Variants in UBA6 observed in about 807,000 individuals in gnomAD.
UBA6 encodes ubiquitin-like modifier-activating enzyme 6.
A neutral mutation model predicts 148.3 loss-of-function variants in UBA6; 87 were observed. That is an observed-to-expected ratio of 0.59 (90% CI 0.49 to 0.70). The LOEUF (loss-of-function observed/expected upper bound fraction) is 0.70. Among genes scored for constraint, UBA6 ranks in the 30% least tolerant of loss-of-function variants. The pLI is 0.00. For missense variants in UBA6, 1,186 were observed against 1,241.2 expected, an observed-to-expected ratio of 0.96 and a Z score of 0.67; for synonymous variants, 376 against 401.0, an observed-to-expected ratio of 0.94 and a Z score of 0.75.
In UBA6 at chr4:67,650,999, C is replaced by T. The variant is rs546432923; in HGVS notation, c.1105-1788G>A. On this transcript the variant is annotated intron_variant, in intron 13 of 32. Transcript: ENST00000322244. The stretch of plus-strand genomic sequence containing the variant: ...TCCATTAGAAGCTCCTTTTCAGTAT[C>T]CTAAGAGAAGAGAATACTACAAAAG... Among the ~76,000 whole-genome samples, 4 of 152,198 alleles carry T rather than the reference C, an allele frequency of 2.6e-5. No individual in the cohort carries two copies. The South Asian group carries it at 8.3e-4, about 32-fold the overall frequency.
chr4:67,677,795 A>C, intron 5 of UBA6, 73 bp from the exon 6 acceptor site: 1 of 740,914 alleles, frequency 1.3e-6, no homozygotes, highest in Non-Finnish European at 2.1e-6. Flanking sequence ...GGACACTGTA[A>C]TGACATCAGA....
intron 13 of UBA6, among the ~76,000 whole-genome samples, chr4:67,651,737 G>C (rs1729558239): frequency 6.6e-6 from 1 of 151,936 alleles, no homozygotes; most frequent in South Asian, 2.1e-4. Flanking sequence ...GCTGGCAAAA[G>C]GACAGAAACA....
rs1020934108 is a variant in UBA6 at position 67,616,173 on chromosome 4, A to G, written c.*2824T>C. On this transcript the variant is annotated 3_prime_UTR_variant, in exon 33 of 33. Coordinates refer to ENST00000322244, the MANE Select transcript of UBA6 (RefSeq NM_018227.6). Reference sequence around the variant, plus strand: ...GCTCAACTCTGATTTTTTTTTTTTCAGAGAAAGCATTCAGATTATATGTTT... The same window carrying G: ...GCTCAACTCTGATTTTTTTTTTTTCGGAGAAAGCATTCAGATTATATGTTT... 2.5e-6 allele frequency: 1 copy of G among 395,878 alleles called. No individual in the cohort carries two copies. Among genetic ancestry groups the G allele is most frequent in the Non-Finnish European group, 4.5e-6 (1 of 224,710 alleles). The allele number at this position is 395,878 out of a possible 1,614,324, so 24.5% of individuals were successfully genotyped here.
Position 67,615,913 on chromosome 4 carries a change from T to C in UBA6, c.*3084A>G, listed in dbSNP as rs142904838. On this transcript the variant is annotated 3_prime_UTR_variant, in exon 33 of 33. Coordinates refer to ENST00000322244, the MANE Select transcript of UBA6 (RefSeq NM_018227.6). ...TACGTGGCAGGGAGCTGGTTGTGAC[T>C]GGGAAGGAACTACATGTGTAATTTC... is the stretch of plus-strand genomic sequence containing the variant. 128 of 329,892 alleles carry C rather than the reference T, an allele frequency of 3.9e-4. 2 individuals are homozygous for C. The East Asian group carries it at 5.0e-3, about 13-fold the overall frequency. The allele number at this position is 329,892 out of a possible 1,614,324, so 20.4% of individuals were successfully genotyped here. A position where few individuals can be genotyped will look rare whatever the true frequency, so the allele number is the denominator to read the frequency against.
At chr4:67,698,174 A>C (rs980359825) in intron 1 of UBA6, among the ~76,000 whole-genome samples, 1 of 152,194 alleles carries the variant, frequency 6.6e-6, no homozygotes, top group East Asian at 1.9e-4. Flanking sequence ...CCTCTATTAA[A>C]ATATTGTGTC....
chr4:67,670,620 CTTA>C (rs1184432641), intron 7 of UBA6, 28 bp from the exon 8 acceptor site: 37 of 1,567,544 alleles, frequency 2.4e-5, no homozygotes, highest in Non-Finnish European at 3.0e-5. Context: ...CAAGTTCAAT[CTTA>C]TTTATATAAA....
chr4:67,631,576 T>C, intron 25 of UBA6, 132 bp downstream of exon 25: 1 of 689,088 alleles, frequency 1.5e-6, no homozygotes, highest in African/African-American at 1.8e-5. Context: ...ACTTGTTAAC[T>C]CTTAAATGAA....
intron 16 of UBA6, 91 bp from the exon 17 acceptor site, chr4:67,644,869 C>A: frequency 3.3e-6 from 2 of 600,006 alleles, no homozygotes; most frequent in South Asian, 2.6e-5. Context: ...TATTTTACCA[C>A]TGTTTCAACG....
intron 27 of UBA6, among the ~76,000 whole-genome samples, chr4:67,626,789 C>T (rs1290299707): frequency 6.6e-6 from 1 of 151,870 alleles, no homozygotes; most frequent in Non-Finnish European, 1.5e-5. Context: ...ATACAGTGGG[C>T]ATAAAAAATA....
chr4:67,619,907 C>T (rs1728714548), intron 32 of UBA6, among the ~76,000 whole-genome samples: 1 of 151,982 alleles, frequency 6.6e-6, no homozygotes, highest in African/African-American at 2.4e-5. Flanking sequence ...TCTCTAGTCT[C>T]TTTTCTACTT....
rs188847189 is a variant in UBA6, at chr4:67,686,482, T to C, written c.135-4269A>G. On this transcript the variant is annotated intron_variant, in intron 2 of 32. Coordinates refer to ENST00000322244, the MANE Select transcript of UBA6 (RefSeq NM_018227.6). ...CTTGGGGTTCACTGTGCAGAGATCATAATAACAACAACTTCGTATGGCTGC... is the reference window on the plus strand; with the variant it reads ...CTTGGGGTTCACTGTGCAGAGATCACAATAACAACAACTTCGTATGGCTGC... 1.5e-4 allele frequency among the ~76,000 whole-genome samples: 23 copies of C among 152,258 alleles called. No individual in the cohort carries two copies. The East Asian group carries it at 4.4e-3, about 29-fold the overall frequency.
chr4:67,651,233 G>C (rs553204612), intron 13 of UBA6, among the ~76,000 whole-genome samples: 1 of 151,836 alleles, frequency 6.6e-6, no homozygotes, highest in African/African-American at 2.4e-5. Flanking sequence ...GCAACGTAGG[G>C]GAAAAAAACA....
intron 13 of UBA6, among the ~76,000 whole-genome samples, chr4:67,657,574 T>C (rs754617672): frequency 6.6e-5 from 10 of 152,128 alleles, no homozygotes; most frequent in Non-Finnish European, 1.5e-4. Context: ...ATAAAAACCC[T>C]AGAAGAAAAC....
intron 13 of UBA6, among the ~76,000 whole-genome samples, chr4:67,659,651 C>CATATATTTT (rs1729799536): frequency 5.6e-5 from 1 of 17,820 alleles, no homozygotes; most frequent in Non-Finnish European, 1.3e-4. Context: ...TTTTATATAG[C>CATATATTTT]ATATGCAGTG....
In UBA6 at chr4:67,619,075, T is replaced by C; in HGVS notation, c.3081A>G (p.Ser1027=). The C allele has an allele frequency of 6.2e-7, 1 of 1,612,454 alleles. No individual in the cohort carries two copies. Among genetic ancestry groups the C allele is most frequent in the Non-Finnish European group, 8.5e-7 (1 of 1,178,540 alleles). The stretch of plus-strand genomic sequence containing the variant: ...CATCTCCATCAATGTCTGGAGCAAA[T>C]GACACAGTAAGATCCACATATTTCT... ...TEKKYVDLTV[S]FAPDIDGDED... is the part of the protein sequence containing the mutation. The change falls in exon 33 of 33, where the codon TCA becomes TCG. Residue 1027 remains serine (S), a synonymous_variant. Coordinates refer to ENST00000322244, the MANE Select transcript of UBA6 (RefSeq NM_018227.6).
Position 67,668,565 on chromosome 4 carries a change from A to C in UBA6, c.779T>G (p.Ile260Arg). The C allele has an allele frequency of 6.2e-7, 1 of 1,612,090 alleles. No homozygotes were observed. The highest frequency in any genetic ancestry group is 8.5e-7 in the Non-Finnish European group (1 of 1,178,504). ...INGMTGLNGS[I>R]QQITVISPFS... ...CATTGACTTACCCGTTATTTGTTGT[A>C]TAGATCCATTTAAACCTGTCATTCC... The change falls in exon 9 of 33, where the codon ATA (isoleucine) becomes AGA (arginine). Residue 260 changes from isoleucine (I) to arginine (R), a missense_variant. Transcript: ENST00000322244.
intron 2 of UBA6, among the ~76,000 whole-genome samples, chr4:67,692,461 T>C (rs1211072964): frequency 1.3e-5 from 2 of 152,164 alleles, no homozygotes; most frequent in Non-Finnish European, 2.9e-5. Flanking sequence ...TGCCCTTACA[T>C]ATAAAGCTGC....
intron 13 of UBA6, among the ~76,000 whole-genome samples, chr4:67,658,822 C>T (rs1307021277): frequency 2.6e-5 from 4 of 152,092 alleles, no homozygotes; most frequent in African/African-American, 7.2e-5. Context: ...AAGAAAAAAT[C>T]TATAGTGGAT....
At chr4:67,643,143 G>C (rs1308929510) in intron 17 of UBA6, among the ~76,000 whole-genome samples, 1 of 151,578 alleles carries the variant, frequency 6.6e-6, no homozygotes. Flanking sequence ...CATGGCACAA[G>C]TATATATATG....
Sources: gnomAD v4.1 joint callset for allele counts (sites outside exome capture counted in the v4.1 genomes callset) on GRCh38, gnomAD v4.1.1 for gene constraint, MANE v1.5 for transcripts, NCBI Gene and HGNC (gene_info 2026-07-23, HGNC 2026-07-21) for gene names.